Variants in CFAP97 observed in about 807,000 individuals in gnomAD.
The protein encoded by CFAP97 is cilia and flagella associated protein 97.
A neutral mutation model predicts 43.1 loss-of-function variants in CFAP97; 36 were observed. The ratio of observed to expected loss-of-function variants is 0.84; its 90% CI spans 0.64 to 1.10. The LOEUF (loss-of-function observed/expected upper bound fraction) is 1.10, where lower values mean the gene tolerates loss of function less well. Among genes scored for constraint, CFAP97 ranks in the 50% least tolerant of loss-of-function variants. The pLI is 0.00. For missense variants in CFAP97, 657 were observed against 620.3 expected, an observed-to-expected ratio of 1.06 and a Z score of -0.63; for synonymous variants, 228 against 225.7, an observed-to-expected ratio of 1.01 and a Z score of -0.09.
At chr4:185,176,075 A>G (rs755645483) in intron 2 of CFAP97, 24 bp from the exon 3 acceptor site, 389 of 1,539,110 alleles carry the variant, frequency 2.5e-4, no homozygotes, top group Non-Finnish European at 3.2e-4. Context: ...CAAAAAAAAA[A>G]GAGAAAATGG....
rs1244147498 is a variant in CFAP97 at position 185,160,575 on chromosome 4, A to T, written c.*2223T>A. 2 of 152,084 alleles carry T rather than the reference A, an allele frequency of 1.3e-5. No homozygotes were observed. Among genetic ancestry groups the T allele is most frequent in the Non-Finnish European group, 2.9e-5 (2 of 68,008 alleles). 9.4% of individuals were successfully genotyped at this position (152,084 alleles called of 1,614,324 possible). A position where few individuals can be genotyped will look rare whatever the true frequency, so the allele number is the denominator to read the frequency against. On this transcript the variant is annotated 3_prime_UTR_variant, in exon 5 of 5. Coordinates refer to ENST00000458385, the MANE Select transcript of CFAP97 (RefSeq NM_020827.3). ...ATTATATATAAGTAACCATGACAACAGAATTGAAGTTCCGCTTAAAAGACT... is the reference window on the plus strand; with the variant it reads ...ATTATATATAAGTAACCATGACAACTGAATTGAAGTTCCGCTTAAAAGACT...
At chr4:185,174,712 G>C (rs1735445307) in intron 3 of CFAP97, among the ~76,000 whole-genome samples, 1 of 152,156 alleles carries the variant, frequency 6.6e-6, no homozygotes, top group African/African-American at 2.4e-5. Flanking sequence ...GTAGCTCTGT[G>C]CTAAATATTT....
intron 3 of CFAP97, among the ~76,000 whole-genome samples, chr4:185,168,581 G>GA (rs1176223973): frequency 6.7e-6 from 1 of 149,696 alleles, no homozygotes; most frequent in Non-Finnish European, 1.5e-5. Flanking sequence ...CTGGGAGACA[G>GA]AAAGACTCTG....
At chr4:185,205,837 TAAAC>T (rs1019551185), upstream of CFAP97, among the ~76,000 whole-genome samples, 3 of 151,698 alleles carry the variant, frequency 2.0e-5, no homozygotes, top group African/African-American at 2.4e-5. Flanking sequence ...TCTAAATAAA[TAAAC>T]AAACTGTGGT....
chr4:185,198,447 A>C (rs1736656142), intron 1 of CFAP97, among the ~76,000 whole-genome samples: 1 of 124,068 alleles, frequency 8.1e-6, no homozygotes, highest in Non-Finnish European at 1.8e-5. Flanking sequence ...TGTCTTAAAA[A>C]AAAAAAAAAG....
intron 2 of CFAP97, among the ~76,000 whole-genome samples, chr4:185,187,965 C>T (rs750723409): frequency 8.6e-5 from 13 of 152,042 alleles, no homozygotes; most frequent in Non-Finnish European, 1.9e-4. Context: ...GGCGTGATCT[C>T]GGCTAACTGC....
At position 185,209,457 on chromosome 4, in the gene CFAP97, G is replaced by A. The variant is rs1358601254; in HGVS notation, c.-206C>T. The A allele has an allele frequency of 6.6e-6, 1 of 152,264 alleles. No homozygotes were observed. The highest frequency in any genetic ancestry group is 1.5e-5 in the Non-Finnish European group (1 of 68,118). 9.4% of individuals were successfully genotyped at this position (152,264 alleles called of 1,614,324 possible). A position where few individuals can be genotyped will look rare whatever the true frequency, so the allele number is the denominator to read the frequency against. On this transcript the variant is annotated 5_prime_UTR_variant, in exon 1 of 3. Coordinates refer to the CFAP97 transcript ENST00000503223. The surrounding 1 kb of genome is among the most constrained non-coding windows in gnomAD (Gnocchi z 5.2). ...GCGCTGGGTCGCGCCCTCTCCCCGT[G>A]GGGCCCCGGCCCGGACCCCGCCCCC...
chr4:185,163,908 G>T, intron 4 of CFAP97, 121 bp downstream of exon 4: 1 of 835,584 alleles, frequency 1.2e-6, no homozygotes. Flanking sequence ...CATGACAGTG[G>T]GAAATAACAG....
chr4:185,197,102 T>TAAAAA (rs60986571), intron 1 of CFAP97, among the ~76,000 whole-genome samples: 117 of 86,118 alleles, frequency 1.4e-3, no homozygotes, highest in East Asian at 1.4e-3. Flanking sequence ...CCCTCTTAAT[T>TAAAAA]AAAAAAAAAA....
intron 1 of CFAP97, among the ~76,000 whole-genome samples, chr4:185,193,477 T>C (rs2111400742): frequency 6.6e-6 from 1 of 152,172 alleles, no homozygotes; most frequent in South Asian, 2.1e-4. Flanking sequence ...AAACCCCATC[T>C]CTACTAGAAA....
intron 3 of CFAP97, among the ~76,000 whole-genome samples, chr4:185,172,283 T>C (rs1735334076): frequency 6.6e-6 from 1 of 152,230 alleles, no homozygotes; most frequent in African/African-American, 2.4e-5. Context: ...CAATGTTTAA[T>C]GAGAGGAAGG....
rs570056439 is a variant in CFAP97, at chr4:185,179,238, C to T, written c.1055-3187G>A. 3.9e-5 allele frequency among the ~76,000 whole-genome samples: 6 copies of T among 152,172 alleles called. No homozygotes were observed. The South Asian group carries it at 1.2e-3, about 32-fold the overall frequency. On this transcript the variant is annotated intron_variant, in intron 2 of 4. Transcript: ENST00000458385. ...GGGGCATCTGTGGAAAGAGCGAATG[C>T]ATTCTTGCATATGGGAAGAATGTTA...
Position 185,209,444 on chromosome 4 carries a change from G to GC in CFAP97, c.-194dup, listed in dbSNP as rs893855290. 6.6e-6 allele frequency: 1 copy of GC among 152,240 alleles called. No individual in the cohort carries two copies. Among genetic ancestry groups the GC allele is most frequent in the African/African-American group, 2.4e-5 (1 of 41,450 alleles). 9.4% of individuals were successfully genotyped at this position (152,240 alleles called of 1,614,324 possible). ...AGAGGTGTGCACCGCGCTGGGTCGC[G>GC]CCCTCTCCCCGTGGGGCCCCGGCCC... On this transcript the variant is annotated 5_prime_UTR_variant, in exon 1 of 3. Coordinates refer to the CFAP97 transcript ENST00000503223. This position sits in a 1 kb window ranked among gnomAD's most constrained non-coding sequence, Gnocchi z 5.2.
intron 2 of CFAP97, among the ~76,000 whole-genome samples, chr4:185,188,004 C>A (rs893115035): frequency 6.6e-6 from 1 of 152,020 alleles, no homozygotes; most frequent in Non-Finnish European, 1.5e-5. Context: ...TCAAGCAATT[C>A]TCCTGCCTCA....
At chr4:185,201,169 A>C (rs112882410) in intron 1 of CFAP97, among the ~76,000 whole-genome samples, 19,214 of 151,296 alleles carry the variant, frequency 0.13, 1,265 homozygotes, top group African/African-American at 0.15. Context: ...ACTACAAATA[A>C]AAAAAAATTA....
At chr4:185,202,749 T>C (rs1736932694) in intron 1 of CFAP97, among the ~76,000 whole-genome samples, 1 of 152,194 alleles carries the variant, frequency 6.6e-6, no homozygotes, top group Non-Finnish European at 1.5e-5. Flanking sequence ...TGGTGCATAG[T>C]CCGGTGCCTG....
chr4:185,205,711 C>G (rs185345848), upstream of CFAP97, among the ~76,000 whole-genome samples: 304 of 152,298 alleles, frequency 2.0e-3, 3 homozygotes, highest in East Asian at 0.018. Flanking sequence ...CATCTGTAAT[C>G]CCAGCTACTC....
In CFAP97 at chr4:185,174,805, A is replaced by G. The variant is rs765005502; in HGVS notation, c.1320+981T>C. On this transcript the variant is annotated intron_variant, in intron 3 of 4. Transcript: ENST00000458385. ...TTCAGAGAATTGTTGTCAGGATTCA[A>G]TAAGTTAATATTTGGAAGATACTCA... is the stretch of plus-strand genomic sequence containing the variant. 1.1e-4 allele frequency among the ~76,000 whole-genome samples: 17 copies of G among 152,352 alleles called. 1 individual carries two copies. In the East Asian group the frequency reaches 2.1e-3, roughly 19 times the overall value.
chr4:185,202,643 C>G (rs3108297), intron 1 of CFAP97, among the ~76,000 whole-genome samples: 89,218 of 151,694 alleles, frequency 0.59, 26,655 homozygotes, highest in Non-Finnish European at 0.66. Context: ...GCACAAACCA[C>G]AACTATGCCT....
Sources: allele counts gnomAD v4.1 joint callset (sites outside exome capture counted in the v4.1 genomes callset), GRCh38; gene constraint gnomAD v4.1.1; non-coding constraint Gnocchi (gnomAD v3.1); transcripts MANE v1.5; gene names NCBI Gene and HGNC (gene_info 2026-07-23, HGNC 2026-07-21).